The following PPRC1 variants were observed in gnomAD, a reference collection of about 807,000 sequenced individuals.
The protein encoded by PPRC1 is PPARG related coactivator 1.
A neutral mutation model predicts 132.5 loss-of-function variants in PPRC1; 23 were observed. That is an observed-to-expected ratio of 0.17 (90% confidence interval 0.12 to 0.25). The LOEUF is 0.25. Among genes scored for constraint, PPRC1 ranks in the 10% least tolerant of loss-of-function variants. The pLI, the probability that PPRC1 is intolerant of heterozygous loss-of-function variation, is 1.00. For synonymous variants in PPRC1, 872 were observed against 833.5 expected (o/e 1.05, Z -0.80); for missense variants, 2,006 against 2,089.1 (o/e 0.96, Z 0.78).
chr10:102,125,521 G>C, the PPRC1 span, among the ~76,000 whole-genome samples: 1 of 151,826 alleles, frequency 6.6e-6, no homozygotes, highest in Non-Finnish European at 1.5e-5. Context: ...GCCTCCCAAA[G>C]TGCTGGGATT....
chr10:102,149,252 G>T lies in PPRC1; in HGVS notation c.4814G>T (p.Arg1605Leu), dbSNP rs778073007. ...FAAIESGHKLRQADEQPFDLC... is the reference protein window; with the variant it reads ...FAAIESGHKLLQADEQPFDLC... ...GCCATTGAGAGTGGCCACAAGCTGCGGCAGGCAGATGAGCAGCCCTTTGAT... is the reference window on the plus strand; with the variant it reads ...GCCATTGAGAGTGGCCACAAGCTGCTGCAGGCAGATGAGCAGCCCTTTGAT... The change falls in exon 13 of 14, where the codon CGG becomes CTG. Residue 1605 changes from arginine (R) to leucine (L), a missense_variant. Physicochemically the swap from Arg to Leu is moderately radical, Grantham distance 102 (BLOSUM62 -2). This residue lies in a region of PPRC1 where 92 missense variants were observed against 171.9 expected (regional missense o/e 0.54). Coordinates refer to ENST00000278070, the MANE Select transcript of PPRC1 (RefSeq NM_015062.5). 6.2e-7 allele frequency: 1 copy of T among 1,612,688 alleles called. No individual in the cohort carries two copies. Among genetic ancestry groups the T allele is most frequent in the Admixed American group, 1.7e-5 (1 of 59,714 alleles).
At chr10:102,120,585 A>G in the PPRC1 span, 1 of 176,836 alleles carries the variant, frequency 5.7e-6, no homozygotes, top group Non-Finnish European at 1.1e-5. Flanking sequence ...AGCGCGCAGC[A>G]AGCGACGACG....
chr10:102,142,400 CTTTTTTTTTTTTTTTTTTTTTTTTTT>C (rs71016364), intron 5 of PPRC1, among the ~76,000 whole-genome samples: 1 of 61,206 alleles, frequency 1.6e-5, no homozygotes, highest in Admixed American at 2.2e-4. Context: ...TGCACCATGC[CTTTTTTTTTTTTTTTTTTTTTTTTTT>C]TTTTTTTTTT....
chr10:102,122,447 C>T, the PPRC1 span, among the ~76,000 whole-genome samples: 2 of 149,334 alleles, frequency 1.3e-5, no homozygotes, highest in South Asian at 2.1e-4. Context: ...CCTGTAAATA[C>T]GTGTTCTTTC....
chr10:102,149,222 T>A lies in PPRC1; in HGVS notation c.4784T>A (p.Phe1595Tyr), dbSNP rs779187921. 4 of 1,610,624 alleles carry A rather than the reference T, an allele frequency of 2.5e-6. No homozygotes were observed. The Admixed American group carries it at 6.8e-5, about 27-fold the overall frequency. Reference sequence around the variant, plus strand: ...ACTTATCGCTATGCTGAGGAGGCATTTGCAGCCATTGAGAGTGGCCACAAG... The same window carrying A: ...ACTTATCGCTATGCTGAGGAGGCATATGCAGCCATTGAGAGTGGCCACAAG... ...FVTYRYAEEAFAAIESGHKLR... is the reference protein window; with the variant it reads ...FVTYRYAEEAYAAIESGHKLR... The change falls in exon 13 of 14, where the codon TTT becomes TAT. Residue 1595 changes from phenylalanine to tyrosine, a missense_variant. Phe to Tyr is a conservative substitution (Grantham distance 22, BLOSUM62 3). Coordinates refer to ENST00000278070, the MANE Select transcript of PPRC1 (RefSeq NM_015062.5).
At chr10:102,136,880 C>G (rs912885695) in intron 1 of PPRC1, among the ~76,000 whole-genome samples, 1 of 152,158 alleles carries the variant, frequency 6.6e-6, no homozygotes, top group Non-Finnish European at 1.5e-5. Flanking sequence ...ATGCCTGACA[C>G]GAGAGGCCGT....
intron 1 of PPRC1, among the ~76,000 whole-genome samples, chr10:102,136,372 G>A (rs961440284): frequency 6.6e-6 from 1 of 152,054 alleles, no homozygotes; most frequent in Non-Finnish European, 1.5e-5. Flanking sequence ...GAAGTGGTGC[G>A]GAATTTCACT....
At chr10:102,127,018 A>ATT in the PPRC1 span, among the ~76,000 whole-genome samples, 492 of 69,694 alleles carry the variant, frequency 7.1e-3, 14 homozygotes, top group African/African-American at 0.016. Flanking sequence ...ATGGTTTTTT[A>ATT]TCATATATAT....
the PPRC1 span, among the ~76,000 whole-genome samples, chr10:102,120,893 C>T: frequency 6.6e-6 from 1 of 152,268 alleles, no homozygotes; most frequent in South Asian, 2.1e-4. Context: ...GGACTGCAGA[C>T]CCCCTGTCCG....
intron 2 of PPRC1, among the ~76,000 whole-genome samples, chr10:102,138,274 C>G (rs548278829): frequency 2.0e-5 from 3 of 152,324 alleles, no homozygotes; most frequent in Admixed American, 2.0e-4. Context: ...GCCTTTCCCA[C>G]TGTCTGGGCC....
At chr10:102,142,388 G>A (rs1377365747) in intron 5 of PPRC1, among the ~76,000 whole-genome samples, 6 of 97,858 alleles carry the variant, frequency 6.1e-5, no homozygotes, top group South Asian at 6.9e-4. Context: ...GGCGTGAGCC[G>A]CTGCACCATG....
In PPRC1 at chr10:102,140,984, C is replaced by T; in HGVS notation, c.2476C>T (p.Pro826Ser). 6.2e-7 allele frequency: 1 copy of T among 1,614,068 alleles called. No individual in the cohort carries two copies. Among genetic ancestry groups the T allele is most frequent in the Non-Finnish European group, 8.5e-7 (1 of 1,180,026 alleles). The part of the protein sequence containing the change: ...EICLVPVGPS[P>S]ASPSPEPPVS... The stretch of plus-strand genomic sequence containing the variant: ...TTGCCTTGTGCCTGTAGGTCCCAGC[C>T]CTGCTTCTCCTAGTCCTGAGCCACC... Residue 826 changes from proline to serine, a missense_variant, in exon 5 of 14, where the codon CCT becomes TCT. Around this residue, in one of 2 missense-constraint regions of PPRC1, gnomAD observed 1,914 missense variants for 1,917.2 expected, o/e 1.00. Coordinates refer to ENST00000278070, the MANE Select transcript of PPRC1 (RefSeq NM_015062.5).
chr10:102,130,716 CAA>C (rs979491615), upstream of PPRC1, among the ~76,000 whole-genome samples: 15 of 151,016 alleles, frequency 9.9e-5, no homozygotes, highest in East Asian at 1.0e-3. Context: ...GCCTGGGTGA[CAA>C]GAGTGAAACT....
At chr10:102,132,145 G>GT (rs1374083616), upstream of PPRC1, among the ~76,000 whole-genome samples, 4 of 152,172 alleles carry the variant, frequency 2.6e-5, no homozygotes, top group African/African-American at 9.6e-5. Context: ...CACACTAAAA[G>GT]TAACAAGGGG....
upstream of PPRC1, among the ~76,000 whole-genome samples, chr10:102,129,760 A>G (rs2068514315): frequency 6.6e-6 from 1 of 152,008 alleles, no homozygotes; most frequent in Non-Finnish European, 1.5e-5. Flanking sequence ...AGGCGCCACC[A>G]CGCTTGGCTA....
chr10:102,149,837 T>A, intron 13 of PPRC1, 89 bp from the exon 14 acceptor site: 1 of 998,314 alleles, frequency 1.0e-6, no homozygotes, highest in Non-Finnish European at 1.6e-6. Flanking sequence ...ACTCCATCCG[T>A]TTTTGGGATG....
At chr10:102,120,434 C>T in the PPRC1 span, 1 of 977,184 alleles carries the variant, frequency 1.0e-6, no homozygotes, top group Non-Finnish European at 1.2e-6. Flanking sequence ...CGTCGCCGAG[C>T]GCCCCCCTCT....
chr10:102,149,718 C>T (rs1182882914), intron 13 of PPRC1, among the ~76,000 whole-genome samples: 3 of 128,316 alleles, frequency 2.3e-5, no homozygotes, highest in Non-Finnish European at 3.1e-5. Context: ...GGCTACAGAA[C>T]GAGACTGTCT....
At chr10:102,125,626 G>A in the PPRC1 span, among the ~76,000 whole-genome samples, 1 of 152,002 alleles carries the variant, frequency 6.6e-6, no homozygotes, top group African/African-American at 2.4e-5. Flanking sequence ...GAGGTACTGA[G>A]AAGAGATTAA....
Sources: allele counts gnomAD v4.1 joint callset (sites outside exome capture counted in the v4.1 genomes callset), GRCh38; gene constraint gnomAD v4.1.1; regional missense constraint gnomAD v4.1.1; transcripts MANE v1.5; gene names NCBI Gene and HGNC (gene_info 2026-07-23, HGNC 2026-07-21).